The following PAM variants were observed in gnomAD, a reference collection of about 807,000 sequenced individuals.
PAM encodes peptidylglycine alpha-amidating monooxygenase.
In PAM, 72 loss-of-function variants were observed where a neutral mutation model predicts 122.1. The ratio of observed to expected loss-of-function variants is 0.59; its 90% CI spans 0.49 to 0.72. The LOEUF is 0.72. Among genes scored for constraint, PAM ranks in the 30% least tolerant of loss-of-function variants. The probability of loss-of-function intolerance (pLI) is 0.00; values close to 1 mark genes in which losing one functional copy is unlikely to be tolerated. For synonymous variants in PAM, 389 were observed against 404.4 expected, an observed-to-expected ratio of 0.96 and a Z score of 0.46; for missense variants, 1,106 against 1,183.7, an observed-to-expected ratio of 0.93 and a Z score of 0.96.
intron 23 of PAM, among the ~76,000 whole-genome samples, chr5:103,021,848 G>A (rs1425955977): frequency 6.6e-6 from 1 of 152,060 alleles, no homozygotes; most frequent in Non-Finnish European, 1.5e-5. Flanking sequence ...AGACTTAATA[G>A]CCTTGTAGTT....
At chr5:102,925,100 G>A in intron 6 of PAM, 58 bp downstream of exon 6, 1 of 878,466 alleles carries the variant, frequency 1.1e-6, no homozygotes, top group Non-Finnish European at 2.0e-6. Context: ...TGTTTCCAAA[G>A]TACTTTTCAT....
rs1438207919 is a variant in PAM at position 102,974,448 on chromosome 5, G to A, written c.1483+12G>A. 1 of 1,586,306 alleles carries A rather than the reference G, an allele frequency of 6.3e-7. No individual in the cohort carries two copies. Among genetic ancestry groups the A allele is most frequent in the Non-Finnish European group, 8.6e-7 (1 of 1,162,164 alleles). On this transcript the variant is annotated intron_variant, in intron 15 of 25. Coordinates refer to ENST00000438793, the MANE Select transcript of PAM (RefSeq NM_001177306.2). ...AGAACACACAGGAGGTGCGTGTAGG[G>A]TTTCTTTTAAGCAGTAAAGTGTGAA...
chr5:103,004,825 A>T (rs1201218920), intron 17 of PAM, among the ~76,000 whole-genome samples: 1 of 152,214 alleles, frequency 6.6e-6, no homozygotes, highest in Non-Finnish European at 1.5e-5. Flanking sequence ...ACATATTTGT[A>T]AGATGTTAAC....
At chr5:102,881,170 A>T (rs1292608440) in intron 3 of PAM, among the ~76,000 whole-genome samples, 1 of 150,970 alleles carries the variant, frequency 6.6e-6, no homozygotes, top group African/African-American at 2.4e-5. Context: ...ACTTCTAAAG[A>T]TGAGAATTAT....
chr5:102,916,708 A>T (rs1009445269), intron 5 of PAM, among the ~76,000 whole-genome samples: 5 of 145,552 alleles, frequency 3.4e-5, no homozygotes, highest in Non-Finnish European at 7.5e-5. Context: ...ATAATATATG[A>T]TATATATTAT....
At chr5:102,861,378 CCT>C (rs1784145936) in intron 1 of PAM, among the ~76,000 whole-genome samples, 1 of 152,182 alleles carries the variant, frequency 6.6e-6, no homozygotes, top group African/African-American at 2.4e-5. Flanking sequence ...CTGTCATACT[CCT>C]GCCAAAGATA....
At chr5:102,840,540 G>T (rs1406654030) in intron 1 of PAM, among the ~76,000 whole-genome samples, 1 of 152,114 alleles carries the variant, frequency 6.6e-6, no homozygotes, top group African/African-American at 2.4e-5. Context: ...TATATAATTT[G>T]GGATTGAGTT....
chr5:102,782,725 C>CTCTGTGTG (rs1387780206), intron 1 of PAM, among the ~76,000 whole-genome samples: 58 of 140,186 alleles, frequency 4.1e-4, no homozygotes, highest in South Asian at 1.2e-3. Flanking sequence ...CTCTCTCTCT[C>CTCTGTGTG]TGTGTGTGTG....
intron 11 of PAM, 78 bp downstream of exon 11, chr5:102,950,056 C>A: frequency 1.3e-6 from 1 of 790,162 alleles, no homozygotes; most frequent in South Asian, 1.5e-5. Context: ...TATTATGCAA[C>A]TCTTGTGAAT....
chr5:103,011,563 G>A (rs145740551), intron 21 of PAM, among the ~76,000 whole-genome samples: 3 of 152,072 alleles, frequency 2.0e-5, no homozygotes, highest in Non-Finnish European at 4.4e-5. Flanking sequence ...ATGATCTCCA[G>A]TTCCATCCAT....
intron 14 of PAM, among the ~76,000 whole-genome samples, chr5:102,972,917 T>C (rs910746536): frequency 6.6e-5 from 10 of 152,222 alleles, no homozygotes; most frequent in African/African-American, 2.2e-4. Flanking sequence ...CCAAGACTAT[T>C]TGTAAACATG....
intron 24 of PAM, 21 bp from the exon 25 acceptor site, chr5:103,028,164 T>A: frequency 6.2e-7 from 1 of 1,604,168 alleles, no homozygotes; most frequent in Admixed American, 1.7e-5. Flanking sequence ...CATTTTGAAA[T>A]GTGCCATCTT....
chr5:103,005,135 A>G lies in PAM; in HGVS notation c.1731-19A>G. 4 of 1,460,906 alleles carry G rather than the reference A, an allele frequency of 2.7e-6. No individual in the cohort carries two copies. Among genetic ancestry groups the G allele is most frequent in the African/African-American group, 1.4e-5 (1 of 71,978 alleles). The allele number at this position is 1,460,906 out of a possible 1,614,324, so 90.5% of individuals were successfully genotyped here. The stretch of plus-strand genomic sequence containing the variant: ...TTGAGAGTAAATGTGTAATTAACAC[A>G]AATATTTTTATTTTGCAGGTTTTAC... On this transcript the variant is annotated intron_variant, in intron 17 of 25. Coordinates refer to ENST00000438793, the MANE Select transcript of PAM (RefSeq NM_001177306.2).
At position 102,835,324 on chromosome 5, in the gene PAM, A is replaced by G. The variant is rs372632784; in HGVS notation, c.-373-30499A>G. On this transcript the variant is annotated intron_variant, in intron 1 of 25. Transcript: ENST00000438793. ...ACTAAATAATAATCAATAACCTTGT[A>G]TTTGTGGAGAAGAGGTTTTGGGTAC... Among the ~76,000 whole-genome samples the G allele has an allele frequency of 3.9e-5, 6 of 152,218 alleles. No homozygotes were observed. The South Asian group carries it at 8.3e-4, about 21-fold the overall frequency.
chr5:102,810,699 A>C (rs1384870536), intron 1 of PAM, among the ~76,000 whole-genome samples: 3 of 152,098 alleles, frequency 2.0e-5, no homozygotes, highest in Non-Finnish European at 4.4e-5. Flanking sequence ...GTGGTGGCGC[A>C]TGCCTGTAAT....
chr5:102,854,157 T>C (rs1442323390), intron 1 of PAM, among the ~76,000 whole-genome samples: 1 of 152,172 alleles, frequency 6.6e-6, no homozygotes, highest in Non-Finnish European at 1.5e-5. Flanking sequence ...TAGACCTAGC[T>C]TATAGGATGT....
intron 1 of PAM, among the ~76,000 whole-genome samples, chr5:102,767,933 G>A (rs1032202659): frequency 9.2e-5 from 14 of 152,208 alleles, no homozygotes; most frequent in African/African-American, 2.9e-4. Flanking sequence ...TGTAAGTGCT[G>A]GGACCAGGAT....
intron 3 of PAM, among the ~76,000 whole-genome samples, chr5:102,879,156 TC>T (rs1339685159): frequency 2.2e-4 from 34 of 152,284 alleles, no homozygotes; most frequent in African/African-American, 7.9e-4. Flanking sequence ...GGTCTCGATC[TC>T]CTGACCTCGT....
intron 3 of PAM, among the ~76,000 whole-genome samples, chr5:102,872,897 A>G (rs1787982327): frequency 6.6e-6 from 1 of 152,156 alleles, no homozygotes; most frequent in African/African-American, 2.4e-5. Context: ...TCAGAGTAAA[A>G]TTAGCAACGG....
Sources: allele counts gnomAD v4.1 joint callset (sites outside exome capture counted in the v4.1 genomes callset), GRCh38; gene constraint gnomAD v4.1.1; transcripts MANE v1.5; gene names NCBI Gene and HGNC (gene_info 2026-07-23, HGNC 2026-07-21).